ATP13A2: variants seen among roughly 807,000 people sequenced by gnomAD.
The protein encoded by ATP13A2 is ATPase cation transporting 13A2, also known as polyamine-transporting ATPase 13A2.
Under a neutral mutation model 138.3 loss-of-function variants are expected in ATP13A2, and 83 were observed. The ratio of observed to expected loss-of-function variants is 0.60; its 90% CI spans 0.50 to 0.72. ATP13A2 has a LOEUF of 0.72. ATP13A2 is among the 30% of genes least tolerant of loss of function. The pLI, the probability that ATP13A2 is intolerant of heterozygous loss-of-function variation, is 0.00. For synonymous variants in ATP13A2, 663 were observed against 699.0 expected, an observed-to-expected ratio of 0.95 and a Z score of 0.81; for missense variants, 1,402 against 1,606.4, an observed-to-expected ratio of 0.87 and a Z score of 2.17.
At chr1:17,008,087 G>A (rs540110644) in intron 1 of ATP13A2, among the ~76,000 whole-genome samples, 4 of 152,066 alleles carry the variant, frequency 2.6e-5, no homozygotes, top group East Asian at 1.9e-4. Flanking sequence ...TTGTAGCCTC[G>A]GCTTCCCAAA....
At chr1:17,009,034 G>A (rs1009962249) in intron 1 of ATP13A2, among the ~76,000 whole-genome samples, 28 of 151,830 alleles carry the variant, frequency 1.8e-4, no homozygotes, top group African/African-American at 6.5e-4. Flanking sequence ...TCCCTGCGGT[G>A]CTGATTTGAT....
At chr1:17,007,036 G>A (rs532502840) in intron 1 of ATP13A2, among the ~76,000 whole-genome samples, 3 of 151,958 alleles carry the variant, frequency 2.0e-5, no homozygotes, top group Non-Finnish European at 4.4e-5. Flanking sequence ...GATTACAGGC[G>A]CCCAGCTAAG....
Position 16,992,037 on chromosome 1 carries a change from T to C in ATP13A2, c.2098A>G (p.Ser700Gly), listed in dbSNP as rs752442221. The C allele has an allele frequency of 6.2e-7, 1 of 1,613,204 alleles. No homozygotes were observed. The highest frequency in any genetic ancestry group is 1.1e-5 in the South Asian group (1 of 91,066). The stretch of plus-strand genomic sequence containing the variant: ...GTCAGTTGCTGGGCTGCCTCCAGGC[T>C]GGGCACAGTGGGCAGTGGCTTGCTG... ...LASKPLPTVP[S>G]LEAAQQLTRD... Residue 700 changes from serine (S) to glycine (G), a missense_variant, in exon 19 of 29, where the codon AGC (serine) becomes GGC (glycine). Transcript: ENST00000326735.
intron 3 of ATP13A2, 145 bp downstream of exon 3, chr1:17,005,229 A>T: frequency 6.9e-7 from 1 of 1,456,252 alleles, no homozygotes; most frequent in Non-Finnish European, 9.4e-7. Flanking sequence ...CAATGCTCAG[A>T]TGGGAAAGCT....
intron 11 of ATP13A2, among the ~76,000 whole-genome samples, chr1:16,997,888 A>C (rs914539070): frequency 8.0e-5 from 4 of 49,754 alleles, no homozygotes; most frequent in South Asian, 7.6e-4. Context: ...GGGAGGGGGA[A>C]GGAGGAGGGG....
rs775654672 is a variant in ATP13A2, at chr1:16,987,210, TGTG to T, written c.2916_2918del (p.Thr973del). ...CCGTGCGGCTCATGAGCACTGCCACTGTGGTGGTGATGACCAGGTCGATGGCCA... is the reference window on the plus strand; with the variant it reads ...CCGTGCGGCTCATGAGCACTGCCACTGTGGTGATGACCAGGTCGATGGCCA... On this transcript the variant is annotated inframe_deletion, in exon 26 of 29. Coordinates refer to ENST00000326735, the MANE Select transcript of ATP13A2 (RefSeq NM_022089.4). The T allele has an allele frequency of 1.2e-6, 2 of 1,613,848 alleles. No individual in the cohort carries two copies. Among genetic ancestry groups the T allele is most frequent in the Non-Finnish European group, 1.7e-6 (2 of 1,179,838 alleles).
rs1374005139 is a variant in ATP13A2 at position 16,986,492 on chromosome 1, G to A, written c.3376C>T (p.Leu1126Phe). The change falls in exon 28 of 29, where the codon CTC becomes TTC. Residue 1126 changes from leucine (L) to phenylalanine (F), a missense_variant. Transcript: ENST00000326735. This position sits in a 1 kb window ranked among gnomAD's most constrained non-coding sequence, Gnocchi z 6.9. ...FKLLLLGLVT[L>F]NFVGAFMLES... ...AGCATGAAGGCCCCCACGAAGTTGA[G>A]GGTGACCAGACCCAGCAGCAGCAGC... is the stretch of plus-strand genomic sequence containing the variant. 6.2e-7 allele frequency: 1 copy of A among 1,612,438 alleles called. No homozygotes were observed. The highest frequency in any genetic ancestry group is 2.2e-5 in the East Asian group (1 of 44,886).
At chr1:16,988,725 T>G (rs146038633) in intron 23 of ATP13A2, among the ~76,000 whole-genome samples, 6 of 152,050 alleles carry the variant, frequency 3.9e-5, no homozygotes, top group African/African-American at 1.5e-4. Flanking sequence ...CTCTGCCTCC[T>G]GGGCTCAAGT....
intron 20 of ATP13A2, among the ~76,000 whole-genome samples, chr1:16,991,341 T>C (rs1270574580): frequency 6.6e-6 from 1 of 152,180 alleles, no homozygotes; most frequent in Non-Finnish European, 1.5e-5. Context: ...TCCTTTGGCC[T>C]CCCAAAGTGC....
intron 1 of ATP13A2, among the ~76,000 whole-genome samples, chr1:17,010,690 C>T (rs1022662524): frequency 2.0e-5 from 3 of 152,202 alleles, no homozygotes; most frequent in Non-Finnish European, 2.9e-5. Flanking sequence ...GATTGACAAG[C>T]ACAAAGTCAC....
At chr1:17,005,871 A>G (rs2077539738) in intron 1 of ATP13A2, 93 bp from the exon 2 acceptor site, 4 of 1,257,716 alleles carry the variant, frequency 3.2e-6, no homozygotes, top group African/African-American at 1.5e-5. Flanking sequence ...GCGGTGGCTC[A>G]CGCCTGTAAT....
At chr1:16,990,904 G>A (rs546179587) in intron 20 of ATP13A2, among the ~76,000 whole-genome samples, 1 of 152,086 alleles carries the variant, frequency 6.6e-6, no homozygotes, top group South Asian at 2.1e-4. Context: ...CAGGGGCGGG[G>A]AGGACAAGGA....
chr1:16,988,666 CTT>C (rs2076820478), intron 23 of ATP13A2, among the ~76,000 whole-genome samples, 192 bp from the exon 24 acceptor site: 1 of 152,116 alleles, frequency 6.6e-6, no homozygotes, highest in South Asian at 2.1e-4. Flanking sequence ...GAGTTTCACT[CTT>C]GTTGCCCAGG....
At chr1:17,000,629 A>C in intron 8 of ATP13A2, 95 bp from the exon 9 acceptor site, 2 of 1,492,824 alleles carry the variant, frequency 1.3e-6, no homozygotes, top group Non-Finnish European at 1.8e-6. Context: ...CAGAGGGCCC[A>C]GTGGCTGCCA....
chr1:17,008,869 C>T (rs1225575935), intron 1 of ATP13A2, among the ~76,000 whole-genome samples: 6 of 149,084 alleles, frequency 4.0e-5, no homozygotes, highest in East Asian at 2.0e-4. Flanking sequence ...GAGGCTGAGG[C>T]GGGAGAATGG....
intron 1 of ATP13A2, among the ~76,000 whole-genome samples, chr1:17,008,021 C>A (rs906573423): frequency 2.0e-5 from 3 of 152,032 alleles, no homozygotes; most frequent in Admixed American, 6.6e-5. Context: ...TGCCAGGTAA[C>A]CTCGGTTGTG....
At chr1:17,008,934 A>AG (rs1458047774) in intron 1 of ATP13A2, among the ~76,000 whole-genome samples, 5 of 146,714 alleles carry the variant, frequency 3.4e-5, no homozygotes, top group African/African-American at 1.3e-4. Context: ...ACTGCACTCC[A>AG]GCCAGGGTGA....
intron 11 of ATP13A2, among the ~76,000 whole-genome samples, chr1:16,997,419 G>T (rs1020423673): frequency 2.1e-5 from 3 of 143,396 alleles, no homozygotes; most frequent in Non-Finnish European, 3.1e-5. Flanking sequence ...ACCAGCGGGG[G>T]GGGGTGGGTC....
At position 16,990,229 on chromosome 1, in the gene ATP13A2, C is replaced by T. The variant is rs764319654; in HGVS notation, c.2310G>A (p.Gln770=). 2 of 1,613,996 alleles carry T rather than the reference C, an allele frequency of 1.2e-6. No individual in the cohort carries two copies. The highest frequency in any genetic ancestry group is 1.1e-5 in the South Asian group (1 of 91,086). ...VARGCGMVAP[Q]EHLIIVHATH... ...TGGCGTGGACGATGATCAGATGCTC[C>T]TGGGGGGCCACCATGCCACAGCCCC... Residue 770 remains glutamine (Q), a synonymous_variant, in exon 21 of 29, where the codon CAG becomes CAA. Coordinates refer to ENST00000326735, the MANE Select transcript of ATP13A2 (RefSeq NM_022089.4).
Sources: gnomAD v4.1 joint callset for allele counts (sites outside exome capture counted in the v4.1 genomes callset) on GRCh38, gnomAD v4.1.1 for gene constraint, Gnocchi (gnomAD v3.1) non-coding constraint, MANE v1.5 for transcripts, NCBI Gene and HGNC (gene_info 2026-07-23, HGNC 2026-07-21) for gene names.